Variants in FBLN1 observed in about 807,000 individuals in gnomAD.
The protein encoded by FBLN1 is fibulin-1.
FBLN1 carries 34 observed loss-of-function variants against 89.7 expected under a neutral mutation model. The ratio of observed to expected loss-of-function variants is 0.38; its 90% CI spans 0.29 to 0.50. The LOEUF (loss-of-function observed/expected upper bound fraction) is 0.50, where lower values mean the gene tolerates loss of function less well. Among genes scored for constraint, FBLN1 ranks in the 20% least tolerant of loss-of-function variants. The probability of loss-of-function intolerance (pLI) is 0.92; values close to 1 mark genes in which losing one functional copy is unlikely to be tolerated. For missense variants in FBLN1, 777 were observed against 988.1 expected, an observed-to-expected ratio of 0.79 and a Z score of 2.86; for synonymous variants, 393 against 391.3, an observed-to-expected ratio of 1.00 and a Z score of -0.05.
intron 16 of FBLN1, among the ~76,000 whole-genome samples, chr22:45,582,398 G>T (rs997811333): frequency 2.6e-5 from 4 of 152,190 alleles, no homozygotes; most frequent in Non-Finnish European, 4.4e-5. Context: ...TGTCCAGGCA[G>T]TCAAAAGATG....
chr22:45,553,229 G>C (rs1412036958), intron 14 of FBLN1, among the ~76,000 whole-genome samples: 2 of 152,362 alleles, frequency 1.3e-5, no homozygotes, highest in East Asian at 3.9e-4. Flanking sequence ...TTTTTCTCTG[G>C]TGTGTGGTGG....
rs111838740 is a variant in FBLN1, at chr22:45,506,943, G to A, written c.79+3879G>A. Among the ~76,000 whole-genome samples the A allele has an allele frequency of 2.2e-3, 338 of 152,350 alleles. 5 individuals carry two copies. Among genetic ancestry groups the A allele is most frequent in the African/African-American group, 7.6e-3 (318 of 41,584 alleles). ...AACAAGATTTTCCTTTTGCAGAATA[G>A]CAAATCATAACAATTTGATGAATGA... On this transcript the variant is annotated intron_variant, in intron 1 of 16. Coordinates refer to ENST00000327858, the MANE Select transcript of FBLN1 (RefSeq NM_006486.3).
In FBLN1 at chr22:45,536,964, C is replaced by T. The variant is rs1273656115; in HGVS notation, c.922+1627C>T. On this transcript the variant is annotated intron_variant, in intron 8 of 16. Transcript: ENST00000327858. The surrounding 1 kb of genome is among the most constrained non-coding windows in gnomAD (Gnocchi z 5.1). ...GACAGGAGGTGAGTCCTGCTTTCCCCAGCCGTTGTCAGGTTAACTGCCTGG... is the reference window on the plus strand; with the variant it reads ...GACAGGAGGTGAGTCCTGCTTTCCCTAGCCGTTGTCAGGTTAACTGCCTGG... Among the ~76,000 whole-genome samples, 2 of 152,186 alleles carry T rather than the reference C, an allele frequency of 1.3e-5. No individual in the cohort carries two copies. Among genetic ancestry groups the T allele is most frequent in the Non-Finnish European group, 2.9e-5 (2 of 68,038 alleles).
intron 16 of FBLN1, among the ~76,000 whole-genome samples, chr22:45,592,700 C>T (rs1450502889): frequency 1.3e-5 from 2 of 152,188 alleles, no homozygotes; most frequent in African/African-American, 4.8e-5. Flanking sequence ...ACTGTGGAGC[C>T]TCTTGGGGTG....
Position 45,544,338 on chromosome 22 carries a change from C to T in FBLN1, c.1321+812C>T, listed in dbSNP as rs369266523. 9.8e-5 allele frequency among the ~76,000 whole-genome samples: 15 copies of T among 152,298 alleles called. No homozygotes were observed. In the South Asian group the frequency reaches 1.4e-3, roughly 15 times the overall value. On this transcript the variant is annotated intron_variant, in intron 11 of 16. Coordinates refer to ENST00000327858, the MANE Select transcript of FBLN1 (RefSeq NM_006486.3). ...CTGACCTCAGATGATCCGCCCACCT[C>T]GGCCTCCCAAAGTGCTGGCATTACA...
In FBLN1 at chr22:45,561,234, C is replaced by T. The variant is rs1277308168; in HGVS notation, c.1697+10619C>T. On this transcript the variant is annotated intron_variant, in intron 14 of 16. Transcript: ENST00000327858. This position sits in a 1 kb window ranked among gnomAD's most constrained non-coding sequence, Gnocchi z 4.7. ...ATGATAAGAGCTTGTGTCTGTTTTT[C>T]CACAATTTCAGCTCTTCCTCTACAG... Among the ~76,000 whole-genome samples the T allele has an allele frequency of 6.6e-6, 1 of 152,178 alleles. No individual in the cohort carries two copies. Among genetic ancestry groups the T allele is most frequent in the Non-Finnish European group, 1.5e-5 (1 of 68,040 alleles).
At chr22:45,510,976 C>T (rs1038780416) in intron 1 of FBLN1, among the ~76,000 whole-genome samples, 4 of 152,132 alleles carry the variant, frequency 2.6e-5, no homozygotes, top group Non-Finnish European at 4.4e-5. Flanking sequence ...GATGTGGTGG[C>T]GTGTTGGCCA....
intron 16 of FBLN1, among the ~76,000 whole-genome samples, chr22:45,598,623 C>T (rs3788675): frequency 0.29 from 44,379 of 152,052 alleles, 9,444 homozygotes; most frequent in African/African-American, 0.6. Flanking sequence ...TGCACACCCT[C>T]CATCAGAGCG....
rs2088878558 is a variant in FBLN1 at position 45,563,905 on chromosome 22, C to T, written c.1698-10606C>T. 3.3e-5 allele frequency among the ~76,000 whole-genome samples: 5 copies of T among 152,222 alleles called. No homozygotes were observed. The highest frequency in any genetic ancestry group is 7.2e-5 in the African/African-American group (3 of 41,466). Reference sequence around the variant, plus strand: ...GGTGCAGAAACACGGGATGCGGTTGCGGCTCCTAGGATGCAGCTCTTGCCT... The same window carrying T: ...GGTGCAGAAACACGGGATGCGGTTGTGGCTCCTAGGATGCAGCTCTTGCCT... On this transcript the variant is annotated intron_variant, in intron 14 of 16. Coordinates refer to ENST00000327858, the MANE Select transcript of FBLN1 (RefSeq NM_006486.3). This position sits in a 1 kb window ranked among gnomAD's most constrained non-coding sequence, Gnocchi z 5.7.
chr22:45,521,514 C>G (rs867344747), intron 2 of FBLN1, among the ~76,000 whole-genome samples: 1 of 152,242 alleles, frequency 6.6e-6, no homozygotes, highest in East Asian at 1.9e-4. Flanking sequence ...TGCCCTGTGG[C>G]CCCAGGTGCT....
rs915158305 is a variant in FBLN1, at chr22:45,572,088, C to G, written c.1698-2423C>G. Among the ~76,000 whole-genome samples the G allele has an allele frequency of 3.3e-5, 5 of 152,058 alleles. No homozygotes were observed. The highest frequency in any genetic ancestry group is 1.2e-4 in the African/African-American group (5 of 41,398). On this transcript the variant is annotated intron_variant, in intron 14 of 16. Transcript: ENST00000327858. The surrounding 1 kb of genome is among the most constrained non-coding windows in gnomAD (Gnocchi z 5.8). ...AGGTTGCAGTGAGCCGATATCGCACCACAGCACTCCAGCCTGGGTGACAGA... is the reference window on the plus strand; with the variant it reads ...AGGTTGCAGTGAGCCGATATCGCACGACAGCACTCCAGCCTGGGTGACAGA...
chr22:45,529,214 T>G (rs1246259787), intron 4 of FBLN1, among the ~76,000 whole-genome samples: 1 of 152,196 alleles, frequency 6.6e-6, no homozygotes, highest in Non-Finnish European at 1.5e-5. Flanking sequence ...CATCTGGAGC[T>G]GACGATGTAT....
chr22:45,528,128 G>A lies in FBLN1; in HGVS notation c.484+119G>A. The A allele has an allele frequency of 3.6e-6, 4 of 1,112,978 alleles. No individual in the cohort carries two copies. The South Asian group carries it at 4.1e-5, about 11-fold the overall frequency. 68.9% of individuals were successfully genotyped at this position (1,112,978 alleles called of 1,614,324 possible). ...ACTTGGCTCATGTGATCGTGGGGCTGGCAAGTCCAAAATCTGCAGGGCAGG... is the reference window on the plus strand; with the variant it reads ...ACTTGGCTCATGTGATCGTGGGGCTAGCAAGTCCAAAATCTGCAGGGCAGG... On this transcript the variant is annotated intron_variant, in intron 4 of 16. Transcript: ENST00000327858.
At chr22:45,586,512 G>C (rs1021366314) in intron 16 of FBLN1, among the ~76,000 whole-genome samples, 22 of 152,374 alleles carry the variant, frequency 1.4e-4, no homozygotes, top group African/African-American at 5.3e-4. Flanking sequence ...GGTCCCAGCG[G>C]GAGGGTGGAA....
chr22:45,541,409 C>T, intron 9 of FBLN1, 37 bp downstream of exon 9: 1 of 1,613,564 alleles, frequency 6.2e-7, no homozygotes, highest in Non-Finnish European at 8.5e-7. Flanking sequence ...ATCCACTTTC[C>T]TGTCTGCTTC....
At position 45,562,905 on chromosome 22, in the gene FBLN1, C is replaced by G; in HGVS notation, c.1698-11606C>G. On this transcript the variant is annotated intron_variant, in intron 14 of 16. Coordinates refer to ENST00000327858, the MANE Select transcript of FBLN1 (RefSeq NM_006486.3). The surrounding 1 kb of genome is among the most constrained non-coding windows in gnomAD (Gnocchi z 7.8). ...TCTTCTTGTCTCTCTGCCCACTTTT[C>G]TTGCAGCCGCTGTGAGCGCTTGCCT... is the stretch of plus-strand genomic sequence containing the variant. The G allele has an allele frequency of 6.2e-7, 1 of 1,613,366 alleles. No individual in the cohort carries two copies. Among genetic ancestry groups the G allele is most frequent in the Non-Finnish European group, 8.5e-7 (1 of 1,179,956 alleles).
chr22:45,593,314 C>G (rs748467272), intron 16 of FBLN1, among the ~76,000 whole-genome samples: 10 of 152,140 alleles, frequency 6.6e-5, no homozygotes, highest in Non-Finnish European at 1.3e-4. Flanking sequence ...CCACTGCACC[C>G]GAGCACTTCG....
In FBLN1 at chr22:45,579,513, G is replaced by T. The variant is rs2147031794; in HGVS notation, c.1972+2405G>T. 6.6e-6 allele frequency among the ~76,000 whole-genome samples: 1 copy of T among 152,346 alleles called. No homozygotes were observed. The highest frequency in any genetic ancestry group is 2.1e-4 in the South Asian group (1 of 4,828). ...CCTGGTCTTTGGAATTCTGGGCTGGGGCTGCGTGGGGGAGGGCCCCAGCCT... is the reference window on the plus strand; with the variant it reads ...CCTGGTCTTTGGAATTCTGGGCTGGTGCTGCGTGGGGGAGGGCCCCAGCCT... On this transcript the variant is annotated intron_variant, in intron 16 of 16. Transcript: ENST00000327858. This position sits in a 1 kb window ranked among gnomAD's most constrained non-coding sequence, Gnocchi z 5.5.
rs1339387684 is a variant in FBLN1 at position 45,537,661 on chromosome 22, C to T, written c.922+2324C>T. 1.3e-5 allele frequency among the ~76,000 whole-genome samples: 2 copies of T among 152,030 alleles called. No individual in the cohort carries two copies. The highest frequency in any genetic ancestry group is 2.4e-5 in the African/African-American group (1 of 41,404). ...ATAAAAAGACAAGTGGAACAGTGAGCCCTTAGGACAGGGGCCTCGTCTGAA... is the reference window on the plus strand; with the variant it reads ...ATAAAAAGACAAGTGGAACAGTGAGTCCTTAGGACAGGGGCCTCGTCTGAA... On this transcript the variant is annotated intron_variant, in intron 8 of 16. Coordinates refer to ENST00000327858, the MANE Select transcript of FBLN1 (RefSeq NM_006486.3). This position sits in a 1 kb window ranked among gnomAD's most constrained non-coding sequence, Gnocchi z 5.7.
Sources: gnomAD v4.1 joint callset for allele counts (sites outside exome capture counted in the v4.1 genomes callset) on GRCh38, gnomAD v4.1.1 for gene constraint, Gnocchi (gnomAD v3.1) non-coding constraint, MANE v1.5 for transcripts, NCBI Gene and HGNC (gene_info 2026-07-23, HGNC 2026-07-21) for gene names.